Variants in NTN1 observed in about 807,000 individuals in gnomAD.
NTN1 encodes the protein netrin-1.
NTN1 carries 11 observed loss-of-function variants against 54.2 expected under a neutral mutation model. The ratio of observed to expected loss-of-function variants is 0.20; its 90% CI spans 0.13 to 0.34. NTN1 has a LOEUF of 0.34. NTN1 is among the 10% of genes least tolerant of loss of function. The pLI, the probability that NTN1 is intolerant of heterozygous loss-of-function variation, is 1.00. For missense variants in NTN1, 740 were observed against 893.1 expected, an observed-to-expected ratio of 0.83 and a Z score of 2.18; for synonymous variants, 371 against 382.0, an observed-to-expected ratio of 0.97 and a Z score of 0.33.
At chr17:9,225,713 C>CGGGCGGGCCAGGGCGGGCCA (rs1555578583) in intron 6 of NTN1, among the ~76,000 whole-genome samples, 2,225 of 152,112 alleles carry the variant, frequency 0.015, 58 homozygotes, top group African/African-American at 0.051. Flanking sequence ...GCCGCCAAAC[C>CGGGCGGGCCAGGGCGGGCCA]GGGCGGGCCA....
intron 2 of NTN1, among the ~76,000 whole-genome samples, chr17:9,089,859 C>T (rs564520179): frequency 1.9e-4 from 29 of 152,098 alleles, no homozygotes; most frequent in African/African-American, 4.6e-4. Flanking sequence ...CAGTTTCTGG[C>T]GGGGACTTGT....
In NTN1 at chr17:9,023,388, G is replaced by A. The variant is rs1221446939; in HGVS notation, c.1015G>A (p.Val339Met). 2 of 1,386,794 alleles carry A rather than the reference G, an allele frequency of 1.4e-6. No individual in the cohort carries two copies. Among genetic ancestry groups the A allele is most frequent in the African/African-American group, 3.0e-5 (2 of 65,650 alleles). The allele number at this position is 1,386,794 out of a possible 1,614,324, so 85.9% of individuals were successfully genotyped here. The change falls in exon 2 of 7, where the codon GTG becomes ATG. Residue 339 changes from valine to methionine, a missense_variant. Val to Met is a conservative substitution (Grantham distance 21). Transcript: ENST00000173229. ...RATAREANEC[V>M]ACNCNLHARR... ...CACAGCCCGCGAAGCCAACGAGTGCGTGGGTGAGTGGGGTGCGGCGGCGGA... is the reference window on the plus strand; with the variant it reads ...CACAGCCCGCGAAGCCAACGAGTGCATGGGTGAGTGGGGTGCGGCGGCGGA...
At chr17:9,119,745 G>T (rs1181500530) in intron 2 of NTN1, among the ~76,000 whole-genome samples, 1 of 152,060 alleles carries the variant, frequency 6.6e-6, no homozygotes, top group African/African-American at 2.4e-5. Flanking sequence ...CAATCTTTCT[G>T]CTCTGGTCTC....
At position 9,022,788 on chromosome 17, in the gene NTN1, G is replaced by T. The variant is rs1473654500; in HGVS notation, c.415G>T (p.Gly139Cys). The T allele has an allele frequency of 6.2e-7, 1 of 1,610,622 alleles. No individual in the cohort carries two copies. The highest frequency in any genetic ancestry group is 8.5e-7 in the Non-Finnish European group (1 of 1,179,114). ...PHNVTLTLSL[G>C]KKFEVTYVSL... Reference sequence around the variant, plus strand: ...CAACGTCACGCTCACACTGTCCCTCGGCAAGAAGTTCGAAGTGACCTACGT... The same window carrying T: ...CAACGTCACGCTCACACTGTCCCTCTGCAAGAAGTTCGAAGTGACCTACGT... Residue 139 changes from glycine (G) to cysteine (C), a missense_variant, in exon 2 of 7, where the codon GGC becomes TGC. By Grantham distance (159) the Gly-to-Cys change is radical. Transcript: ENST00000173229.
At chr17:9,144,261 C>A (rs2092306838) in intron 2 of NTN1, among the ~76,000 whole-genome samples, 1 of 151,954 alleles carries the variant, frequency 6.6e-6, no homozygotes, top group Non-Finnish European at 1.5e-5. Context: ...TCCTGTAGAG[C>A]CATGTGTCCA....
rs1404484921 is a variant in NTN1, at chr17:9,239,833, C to A, written c.1680C>A (p.Asn560Lys). ...TCAAGAAGTACCTGCTGCTGGGCAA[C>A]GCGGAGGACTCTCCGGACCAGAGCG... Reference protein sequence around the residue: ...KPLKKYLLLGNAEDSPDQSGI... With the variant: ...KPLKKYLLLGKAEDSPDQSGI... The change falls in exon 7 of 7, where the codon AAC becomes AAA. Residue 560 changes from asparagine (N) to lysine (K), a missense_variant. Asn to Lys is a moderately conservative substitution (Grantham distance 94). Transcript: ENST00000173229. The surrounding 1 kb of genome is among the most constrained non-coding windows in gnomAD (Gnocchi z 5.2). 1 of 1,613,346 alleles carries A rather than the reference C, an allele frequency of 6.2e-7. No individual in the cohort carries two copies. Among genetic ancestry groups the A allele is most frequent in the South Asian group, 1.1e-5 (1 of 91,012 alleles).
chr17:9,227,971 C>T (rs1479559876), intron 6 of NTN1, among the ~76,000 whole-genome samples: 7 of 152,176 alleles, frequency 4.6e-5, no homozygotes, highest in Non-Finnish European at 1.0e-4. Context: ...CTGCACATCC[C>T]GAGAAGTCCT....
intron 2 of NTN1, among the ~76,000 whole-genome samples, chr17:9,033,732 A>G (rs1394538233): frequency 1.3e-5 from 2 of 152,172 alleles, no homozygotes; most frequent in African/African-American, 4.8e-5. Context: ...AGCCAGACCA[A>G]CATGGAGAAA....
At chr17:9,201,992 C>G (rs1286978239) in intron 5 of NTN1, among the ~76,000 whole-genome samples, 3 of 129,392 alleles carry the variant, frequency 2.3e-5, no homozygotes, top group Non-Finnish European at 4.7e-5. Flanking sequence ...TCAAGAGCAG[C>G]CTGGTCAATA....
intron 6 of NTN1, among the ~76,000 whole-genome samples, chr17:9,222,256 G>C (rs1905384404): frequency 6.6e-6 from 1 of 152,198 alleles, no homozygotes; most frequent in Non-Finnish European, 1.5e-5. Context: ...ACTCCAGCTG[G>C]ACATAGCCCA....
At chr17:9,040,345 A>G (rs941002603) in intron 2 of NTN1, among the ~76,000 whole-genome samples, 1 of 152,154 alleles carries the variant, frequency 6.6e-6, no homozygotes, top group East Asian at 1.9e-4. Context: ...GTTTACTTCT[A>G]TGTATTTATA....
chr17:9,206,763 G>T (rs1372268091), intron 5 of NTN1, among the ~76,000 whole-genome samples: 2 of 152,218 alleles, frequency 1.3e-5, no homozygotes, highest in Non-Finnish European at 2.9e-5. Flanking sequence ...TAAGGCAGTG[G>T]ATTTAGGATC....
chr17:9,235,165 A>G (rs1905943648), intron 6 of NTN1, among the ~76,000 whole-genome samples: 1 of 151,854 alleles, frequency 6.6e-6, no homozygotes, highest in African/African-American at 2.4e-5. Context: ...GGGTTTCACC[A>G]TGTTGGCTAG....
intron 2 of NTN1, among the ~76,000 whole-genome samples, chr17:9,066,589 C>T (rs1415063271): frequency 2.0e-5 from 3 of 152,068 alleles, no homozygotes; most frequent in Non-Finnish European, 2.9e-5. Flanking sequence ...GATTGTGCCA[C>T]TGCACTCCAG....
chr17:9,052,982 T>C (rs1175210105), intron 2 of NTN1, among the ~76,000 whole-genome samples: 1 of 152,232 alleles, frequency 6.6e-6, no homozygotes, highest in Non-Finnish European at 1.5e-5. Context: ...TAACTGACTT[T>C]GCTGTTATTA....
intron 2 of NTN1, among the ~76,000 whole-genome samples, chr17:9,077,171 T>A (rs1273799876): frequency 6.6e-6 from 1 of 151,696 alleles, no homozygotes; most frequent in Non-Finnish European, 1.5e-5. Flanking sequence ...AAAACATGGA[T>A]GTCCAGCCCC....
chr17:9,226,581 G>A (rs1905571662), intron 6 of NTN1, among the ~76,000 whole-genome samples: 3 of 152,114 alleles, frequency 2.0e-5, no homozygotes, highest in Middle Eastern at 6.8e-3. Flanking sequence ...CCTCTCCTGG[G>A]GCACTCAGTC....
chr17:9,105,538 G>A (rs1443168655), intron 2 of NTN1, among the ~76,000 whole-genome samples: 1 of 152,192 alleles, frequency 6.6e-6, no homozygotes, highest in Admixed American at 6.5e-5. Context: ...GTTCTTCAGT[G>A]TTCATGATAT....
intron 2 of NTN1, among the ~76,000 whole-genome samples, chr17:9,067,670 C>T (rs1455822994): frequency 6.6e-6 from 1 of 152,196 alleles, no homozygotes; most frequent in Non-Finnish European, 1.5e-5. Context: ...TCATCTTCCT[C>T]ACTTCTTCAG....
Sources: gnomAD v4.1 joint callset for allele counts (sites outside exome capture counted in the v4.1 genomes callset) on GRCh38, gnomAD v4.1.1 for gene constraint, Gnocchi (gnomAD v3.1) non-coding constraint, MANE v1.5 for transcripts, NCBI Gene and HGNC (gene_info 2026-07-23, HGNC 2026-07-21) for gene names.